The following HYCC1 variants were observed in gnomAD, a reference collection of about 807,000 sequenced individuals.
HYCC1 encodes hyccin PI4KA lipid kinase complex subunit 1.
At chr7:22,953,118 T>C in the HYCC1 span, among the ~76,000 whole-genome samples, 1 of 151,962 alleles carries the variant, frequency 6.6e-6, no homozygotes, top group East Asian at 1.9e-4. Flanking sequence ...TTTTGTCATC[T>C]TTATTAAGTC....
At chr7:22,907,488 C>A in the HYCC1 span, among the ~76,000 whole-genome samples, 1 of 152,114 alleles carries the variant, frequency 6.6e-6, no homozygotes, top group Non-Finnish European at 1.5e-5. Context: ...TATTGAGAAC[C>A]TTTTAGGTAT....
the HYCC1 span, chr7:23,013,847 G>T: frequency 2.3e-6 from 1 of 441,502 alleles, no homozygotes; most frequent in Non-Finnish European, 4.6e-6. Context: ...GCCTCGCCCC[G>T]GCTCCTCCCT....
At chr7:22,960,431 ATAGTT>A in the HYCC1 span, 1 of 1,603,190 alleles carries the variant, frequency 6.2e-7, no homozygotes, top group Non-Finnish European at 8.5e-7. Context: ...GAGAAAAAAT[ATAGTT>A]TAAGATCAAC....
chr7:22,963,944 C>CAAGT, the HYCC1 span, among the ~76,000 whole-genome samples: 1 of 152,096 alleles, frequency 6.6e-6, no homozygotes, highest in African/African-American at 2.4e-5. Flanking sequence ...TACTAGTACC[C>CAAGT]AAGTCATCAG....
At chr7:22,928,740 T>C in the HYCC1 span, among the ~76,000 whole-genome samples, 1 of 152,034 alleles carries the variant, frequency 6.6e-6, no homozygotes, top group Non-Finnish European at 1.5e-5. Context: ...AGAATCAGTA[T>C]CATAAAAATG....
At chr7:22,965,131 T>TAAAA in the HYCC1 span, among the ~76,000 whole-genome samples, 1 of 133,836 alleles carries the variant, frequency 7.5e-6, no homozygotes. Flanking sequence ...GAGATTCCAT[T>TAAAA]AAAAAAAAAA....
chr7:22,949,237 A>T, the HYCC1 span, among the ~76,000 whole-genome samples: 1 of 152,068 alleles, frequency 6.6e-6, no homozygotes, highest in African/African-American at 2.4e-5. Flanking sequence ...TAATCTCAAA[A>T]CAATCTATTA....
At chr7:23,002,146 A>ATATATATATATATATATACAAT in the HYCC1 span, among the ~76,000 whole-genome samples, 1 of 24,060 alleles carries the variant, frequency 4.2e-5, no homozygotes, top group African/African-American at 2.8e-4. Context: ...GTATATATAT[A>ATATATATATATATATATACAAT]TATATATATA....
the HYCC1 span, among the ~76,000 whole-genome samples, chr7:22,928,317 T>A: frequency 6.6e-6 from 1 of 152,166 alleles, no homozygotes; most frequent in Non-Finnish European, 1.5e-5. Flanking sequence ...TTCAACATAG[T>A]GTTGGAAGTT....
the HYCC1 span, chr7:22,941,970 C>T: frequency 6.6e-6 from 1 of 152,066 alleles, no homozygotes; most frequent in Non-Finnish European, 1.5e-5. Flanking sequence ...TTTTCAGTTA[C>T]ATTATTCAAC....
At chr7:22,965,046 A>G in the HYCC1 span, among the ~76,000 whole-genome samples, 2 of 151,974 alleles carry the variant, frequency 1.3e-5, no homozygotes, top group Non-Finnish European at 2.9e-5. Context: ...AGGCAGCACA[A>G]TCACTTGAAC....
At chr7:22,914,019 C>CA in the HYCC1 span, among the ~76,000 whole-genome samples, 4 of 152,340 alleles carry the variant, frequency 2.6e-5, no homozygotes, top group East Asian at 7.7e-4. Flanking sequence ...CACTACCCTT[C>CA]AATCTCCCTT....
chr7:22,990,910 T>C, the HYCC1 span: 9 of 595,168 alleles, frequency 1.5e-5, no homozygotes, highest in African/African-American at 3.7e-5. Context: ...AAGATTACTA[T>C]GTGTAAATAA....
chr7:22,924,206 G>T, the HYCC1 span, among the ~76,000 whole-genome samples: 1 of 149,964 alleles, frequency 6.7e-6, no homozygotes, highest in South Asian at 2.1e-4. Context: ...GGGGGGTGGA[G>T]CCAAGATGGC....
chr7:22,963,217 A>C, the HYCC1 span, among the ~76,000 whole-genome samples: 2 of 152,238 alleles, frequency 1.3e-5, no homozygotes, highest in African/African-American at 4.8e-5. Context: ...AGATAAAGCA[A>C]GCAGTGGAAC....
chr7:22,975,765 G>A, the HYCC1 span, among the ~76,000 whole-genome samples: 4 of 152,114 alleles, frequency 2.6e-5, no homozygotes, highest in Non-Finnish European at 4.4e-5. Flanking sequence ...CGCCCAGACT[G>A]GAGTGCAGTG....
chr7:22,956,358 TC>T, the HYCC1 span, among the ~76,000 whole-genome samples: 1 of 151,898 alleles, frequency 6.6e-6, no homozygotes, highest in East Asian at 1.9e-4. Flanking sequence ...TAATTTTATT[TC>T]CCAAACATAT....
the HYCC1 span, chr7:22,938,582 T>G: frequency 6.6e-6 from 1 of 152,190 alleles, no homozygotes; most frequent in Non-Finnish European, 1.5e-5. Context: ...TGTAGTGCTG[T>G]ATGGTAGAAT....
chr7:22,898,647 G>T, the HYCC1 span, among the ~76,000 whole-genome samples: 1 of 145,070 alleles, frequency 6.9e-6, no homozygotes, highest in Non-Finnish European at 1.5e-5. Context: ...CTGTCGCCCA[G>T]CCTGGAGTAC....
Sources: gnomAD v4.1 joint callset for allele counts (sites outside exome capture counted in the v4.1 genomes callset) on GRCh38, gnomAD v4.1.1 for gene constraint, MANE v1.5 for transcripts, NCBI Gene and HGNC (gene_info 2026-07-23, HGNC 2026-07-21) for gene names.